The following EXT1 variants were observed in gnomAD, a reference collection of about 807,000 sequenced individuals.
EXT1 encodes exostosin glycosyltransferase 1.
EXT1 carries 20 observed loss-of-function variants against 82.5 expected under a neutral mutation model. The observed-to-expected ratio is 0.24, with a 90% CI of 0.17 to 0.35. The LOEUF (loss-of-function observed/expected upper bound fraction) is 0.35, where lower values mean the gene tolerates loss of function less well. Ranked by LOEUF, EXT1 falls within the 10% of genes least tolerant of loss-of-function variation. EXT1 has a pLI of 1.00. For missense variants in EXT1, 757 were observed against 936.5 expected, an observed-to-expected ratio of 0.81 and a Z score of 2.50; for synonymous variants, 348 against 350.8, an observed-to-expected ratio of 0.99 and a Z score of 0.09.
In EXT1 at chr8:118,073,562, G is replaced by T. The variant is rs898273859; in HGVS notation, c.962+36523C>A. On this transcript the variant is annotated intron_variant, in intron 1 of 10. Transcript: ENST00000378204. The stretch of plus-strand genomic sequence containing the variant: ...CCTGAGCCTGGGACGCAGAGGTTGC[G>T]GTAGCTGAGATCATGCCACTGCACT... 4.6e-5 allele frequency among the ~76,000 whole-genome samples: 7 copies of T among 152,204 alleles called. No individual in the cohort carries two copies. In the South Asian group the frequency reaches 1.2e-3, roughly 27 times the overall value.
chr8:117,795,151 T>C lies in EXT1; in HGVS notation c.*4561A>G, dbSNP rs1419972960. ...ATTTTAAACAAGGGTGAGACTGTGC[T>C]ATCCTGAGGGCTCAGCTTTCTCAAG... On this transcript the variant is annotated 3_prime_UTR_variant, in exon 11 of 11. Transcript: ENST00000378204. The C allele has an allele frequency of 2.6e-5, 4 of 152,252 alleles. No homozygotes were observed. The highest frequency in any genetic ancestry group is 4.8e-5 in the African/African-American group (2 of 41,458). The allele number at this position is 152,252 out of a possible 1,614,324, so 9.4% of individuals were successfully genotyped here.
At chr8:117,913,319 C>G (rs1406819652) in intron 1 of EXT1, among the ~76,000 whole-genome samples, 1 of 152,154 alleles carries the variant, frequency 6.6e-6, no homozygotes, top group Non-Finnish European at 1.5e-5. Context: ...TAACATCAAA[C>G]CACAGAAAAT....
intron 1 of EXT1, among the ~76,000 whole-genome samples, chr8:117,913,385 G>A (rs1813688783): frequency 6.6e-6 from 1 of 152,108 alleles, no homozygotes; most frequent in African/African-American, 2.4e-5. Context: ...AGTATATAGT[G>A]GCAGTTCAGG....
intron 1 of EXT1, among the ~76,000 whole-genome samples, chr8:117,873,722 C>T (rs1286935532): frequency 6.6e-6 from 1 of 152,060 alleles, no homozygotes; most frequent in African/African-American, 2.4e-5. Flanking sequence ...TCCCAAAGTG[C>T]TGGGATTACA....
intron 1 of EXT1, among the ~76,000 whole-genome samples, chr8:117,920,100 T>G (rs1345762328): frequency 6.6e-6 from 1 of 152,032 alleles, no homozygotes; most frequent in African/African-American, 2.4e-5. Context: ...GAAAATTCAA[T>G]TTTTATTTTA....
Position 118,026,870 on chromosome 8 carries a change from A to C in EXT1, c.962+83215T>G, listed in dbSNP as rs551913272. ...CATAAGATGGTCCATTTGGAAACAC[A>C]AAACAGAGTCTTCTCAGGCATCAGA... On this transcript the variant is annotated intron_variant, in intron 1 of 10. Transcript: ENST00000378204. Among the ~76,000 whole-genome samples the C allele has an allele frequency of 4.6e-5, 7 of 152,338 alleles. No individual in the cohort carries two copies. In the East Asian group the frequency reaches 1.4e-3, roughly 29 times the overall value.
At chr8:117,903,087 T>G (rs189537549) in intron 1 of EXT1, among the ~76,000 whole-genome samples, 6 of 152,354 alleles carry the variant, frequency 3.9e-5, no homozygotes, top group Non-Finnish European at 2.9e-5. Context: ...GCTCTTAATA[T>G]GGACACAACA....
chr8:118,003,561 G>T (rs1815718043), intron 1 of EXT1, among the ~76,000 whole-genome samples: 1 of 152,136 alleles, frequency 6.6e-6, no homozygotes, highest in Non-Finnish European at 1.5e-5. Context: ...CCAACTAGAT[G>T]TATAGCAAGC....
intron 1 of EXT1, among the ~76,000 whole-genome samples, chr8:117,985,444 T>C (rs756316244): frequency 3.3e-4 from 50 of 152,300 alleles, no homozygotes; most frequent in Non-Finnish European, 5.6e-4. Flanking sequence ...CAGTAGAATA[T>C]CTGCATATTG....
At chr8:117,887,077 C>A (rs989699473) in intron 1 of EXT1, among the ~76,000 whole-genome samples, 7 of 152,100 alleles carry the variant, frequency 4.6e-5, no homozygotes, top group African/African-American at 1.7e-4. Context: ...CTCTGTTTAA[C>A]AGTTCAACCA....
intron 1 of EXT1, among the ~76,000 whole-genome samples, chr8:118,050,122 G>T (rs541779719): frequency 2.0e-5 from 3 of 152,172 alleles, no homozygotes; most frequent in Non-Finnish European, 4.4e-5. Context: ...ATAAAGGAAG[G>T]TAGAGAGAGA....
intron 3 of EXT1, among the ~76,000 whole-genome samples, chr8:117,832,539 A>G (rs1329336085): frequency 2.0e-5 from 3 of 151,962 alleles, no homozygotes; most frequent in Admixed American, 6.6e-5. Context: ...AAAAGAAAAG[A>G]AAAGAAAAGA....
At chr8:118,107,968 G>T (rs1473736275) in intron 1 of EXT1, among the ~76,000 whole-genome samples, 1 of 152,176 alleles carries the variant, frequency 6.6e-6, no homozygotes, top group East Asian at 1.9e-4. Context: ...TCTACGAAAT[G>T]CCACTTTTCT....
chr8:118,083,981 A>T (rs1394183230), intron 1 of EXT1, among the ~76,000 whole-genome samples: 2 of 152,154 alleles, frequency 1.3e-5, no homozygotes, highest in Non-Finnish European at 2.9e-5. Context: ...GTGAGCCAAG[A>T]TCATGCCACT....
intron 1 of EXT1, among the ~76,000 whole-genome samples, chr8:117,980,702 T>TTTTTTG (rs1563619788): frequency 1.6e-4 from 7 of 44,640 alleles, no homozygotes; most frequent in Admixed American, 6.6e-4. Context: ...TTGGTGGTTT[T>TTTTTTG]TTTTTTTTTT....
rs144518723 is a variant in EXT1, at chr8:117,883,402, C to A, written c.963-46201G>T. Among the ~76,000 whole-genome samples, 290 of 152,352 alleles carry A rather than the reference C, an allele frequency of 1.9e-3. 4 individuals carry two copies. Among genetic ancestry groups the A allele is most frequent in the African/African-American group, 6.8e-3 (283 of 41,576 alleles). ...CAATTCTTGAGATTACAACTTATTT[C>A]TAAGTAATTTCAGGAACCATCCGAC... On this transcript the variant is annotated intron_variant, in intron 1 of 10. Coordinates refer to ENST00000378204, the MANE Select transcript of EXT1 (RefSeq NM_000127.3).
Position 117,977,420 on chromosome 8 carries a change from AAGG to A in EXT1, c.962+132662_962+132664del, listed in dbSNP as rs1361687027. 3.2e-3 allele frequency among the ~76,000 whole-genome samples: 482 copies of A among 150,726 alleles called. 1 individual carries two copies. The highest frequency in any genetic ancestry group is 5.9e-3 in the Non-Finnish European group (401 of 67,710). ...AAAAAAAAAAAAAGACCATATATCCAAGGGCCCACTCAGCAGAGACATCAGGTA... is the reference window on the plus strand; with the variant it reads ...AAAAAAAAAAAAAGACCATATATCCAGCCCACTCAGCAGAGACATCAGGTA... On this transcript the variant is annotated intron_variant, in intron 1 of 10. Coordinates refer to ENST00000378204, the MANE Select transcript of EXT1 (RefSeq NM_000127.3).
At chr8:117,916,756 T>C (rs1220883029) in intron 1 of EXT1, among the ~76,000 whole-genome samples, 2 of 151,806 alleles carry the variant, frequency 1.3e-5, no homozygotes, top group East Asian at 1.9e-4. Context: ...CTACTAAAAA[T>C]AGAAAAATTA....
intron 4 of EXT1, among the ~76,000 whole-genome samples, chr8:117,826,691 A>G (rs1812012819): frequency 6.6e-6 from 1 of 152,162 alleles, no homozygotes; most frequent in Non-Finnish European, 1.5e-5. Flanking sequence ...CTTGGTTGAG[A>G]GGTCAAACTG....
Sources: gnomAD v4.1 joint callset for allele counts (sites outside exome capture counted in the v4.1 genomes callset) on GRCh38, gnomAD v4.1.1 for gene constraint, MANE v1.5 for transcripts, NCBI Gene and HGNC (gene_info 2026-07-23, HGNC 2026-07-21) for gene names.